Variants in CYP39A1 observed in about 807,000 individuals in gnomAD.
CYP39A1 encodes the protein 24-hydroxycholesterol 7-alpha-hydroxylase.
CYP39A1 carries 49 observed loss-of-function variants against 58.1 expected under a neutral mutation model. The ratio of observed to expected loss-of-function variants is 0.84; its 90% CI spans 0.67 to 1.07. The LOEUF (loss-of-function observed/expected upper bound fraction) is 1.07. CYP39A1 is among the 50% of genes least tolerant of loss of function. The probability of loss-of-function intolerance (pLI) is 0.00; values close to 1 mark genes in which losing one functional copy is unlikely to be tolerated. For missense variants in CYP39A1, 531 were observed against 539.4 expected (o/e 0.98, Z 0.16); for synonymous variants, 209 against 187.6 (o/e 1.11, Z -0.93).
intron 2 of CYP39A1, 129 bp downstream of exon 2, chr6:46,642,034 C>T (rs1175962874): frequency 1.0e-6 from 1 of 1,004,604 alleles, no homozygotes; most frequent in African/African-American, 1.6e-5. Flanking sequence ...CTCTTCTACC[C>T]ATACCTCAAG....
At chr6:46,567,702 A>G (rs1260700578) in intron 10 of CYP39A1, among the ~76,000 whole-genome samples, 1 of 152,156 alleles carries the variant, frequency 6.6e-6, no homozygotes, top group Non-Finnish European at 1.5e-5. Context: ...ATGAATCTCT[A>G]AGCAAGAGGT....
At position 46,637,779 on chromosome 6, in the gene CYP39A1, T is replaced by C. The variant is rs761054637; in HGVS notation, c.638+50A>G. The C allele has an allele frequency of 1.7e-5, 27 of 1,579,210 alleles. No homozygotes were observed. The East Asian group carries it at 4.0e-4, about 24-fold the overall frequency. Reference sequence around the variant, plus strand: ...GAACAGAAAAATGAGAGGTGTTGAATTGCTGAGATAAGCTTGGTCAATGAA... The same window carrying C: ...GAACAGAAAAATGAGAGGTGTTGAACTGCTGAGATAAGCTTGGTCAATGAA... On this transcript the variant is annotated intron_variant, in intron 4 of 11. Coordinates refer to ENST00000275016, the MANE Select transcript of CYP39A1 (RefSeq NM_016593.5).
intron 7 of CYP39A1, among the ~76,000 whole-genome samples, chr6:46,606,139 C>G (rs1045223220): frequency 6.6e-6 from 1 of 151,922 alleles, no homozygotes; most frequent in Non-Finnish European, 1.5e-5. Context: ...ATAAAGTACT[C>G]TTAGTAAGTT....
chr6:46,612,580 G>C (rs1774278832), intron 7 of CYP39A1, among the ~76,000 whole-genome samples: 1 of 152,178 alleles, frequency 6.6e-6, no homozygotes, highest in Non-Finnish European at 1.5e-5. Context: ...GATTTTAAAA[G>C]CTAGGCTAGC....
At position 46,550,328 on chromosome 6, in the gene CYP39A1, C is replaced by T. The variant is rs1770321167; in HGVS notation, c.*38G>A. On this transcript the variant is annotated 3_prime_UTR_variant, in exon 12 of 12. Coordinates refer to ENST00000275016, the MANE Select transcript of CYP39A1 (RefSeq NM_016593.5). ...GCTGCCAGGTGGGGTAGTGCCACTC[C>T]TCCAGAAGGCCCTGGTCCTTGTGAG... 4.4e-6 allele frequency: 7 copies of T among 1,588,028 alleles called. No individual in the cohort carries two copies. The highest frequency in any genetic ancestry group is 6.0e-6 in the Non-Finnish European group (7 of 1,161,848).
chr6:46,638,460 A>G (rs1238489262), intron 3 of CYP39A1, among the ~76,000 whole-genome samples: 1 of 152,208 alleles, frequency 6.6e-6, no homozygotes, highest in East Asian at 1.9e-4. Flanking sequence ...CATATCATCA[A>G]TAAGTTTTAC....
chr6:46,606,632 G>C (rs1773861774), intron 7 of CYP39A1, among the ~76,000 whole-genome samples: 1 of 152,124 alleles, frequency 6.6e-6, no homozygotes, highest in Non-Finnish European at 1.5e-5. Context: ...GAAACCATCT[G>C]TTTAACTCTT....
chr6:46,575,290 G>A (rs1771792210), intron 10 of CYP39A1, among the ~76,000 whole-genome samples: 1 of 152,160 alleles, frequency 6.6e-6, no homozygotes, highest in Non-Finnish European at 1.5e-5. Flanking sequence ...CATCCCACAA[G>A]GCTCACCATA....
At chr6:46,592,436 A>C (rs1053028287) in intron 8 of CYP39A1, among the ~76,000 whole-genome samples, 1 of 152,196 alleles carries the variant, frequency 6.6e-6, no homozygotes, top group Non-Finnish European at 1.5e-5. Flanking sequence ...AAACATATGA[A>C]TCTTGAAAGA....
chr6:46,571,303 T>C (rs1235888624), intron 10 of CYP39A1, among the ~76,000 whole-genome samples: 1 of 152,142 alleles, frequency 6.6e-6, no homozygotes, highest in African/African-American at 2.4e-5. Context: ...ATGATCTCTC[T>C]ATTGTTGAAA....
At chr6:46,613,736 T>C (rs1355324048) in intron 7 of CYP39A1, among the ~76,000 whole-genome samples, 2 of 150,804 alleles carry the variant, frequency 1.3e-5, no homozygotes, top group African/African-American at 4.8e-5. Flanking sequence ...GAGCCTCTAT[T>C]GATGGGCAGA....
At chr6:46,644,153 A>T (rs913447828) in intron 1 of CYP39A1, among the ~76,000 whole-genome samples, 1 of 152,110 alleles carries the variant, frequency 6.6e-6, no homozygotes, top group Non-Finnish European at 1.5e-5. Flanking sequence ...CCTTCTCATT[A>T]ATCCTTGGCA....
chr6:46,599,356 C>G (rs1263879056), intron 7 of CYP39A1, among the ~76,000 whole-genome samples: 3 of 152,036 alleles, frequency 2.0e-5, no homozygotes, highest in Non-Finnish European at 4.4e-5. Flanking sequence ...AGAAAAAAAT[C>G]TGAAGAAAAA....
At chr6:46,622,109 T>C (rs1436434454) in intron 7 of CYP39A1, among the ~76,000 whole-genome samples, 2 of 152,114 alleles carry the variant, frequency 1.3e-5, no homozygotes, top group Non-Finnish European at 2.9e-5. Flanking sequence ...TTATATGGAC[T>C]GTCCACAAAA....
At chr6:46,582,965 C>T (rs1772229675) in intron 10 of CYP39A1, 6 of 651,176 alleles carry the variant, frequency 9.2e-6, no homozygotes, top group Non-Finnish European at 1.1e-5. Context: ...AACAGTACTA[C>T]TAAATTACTA....
At chr6:46,640,552 T>C (rs1027722112) in intron 2 of CYP39A1, among the ~76,000 whole-genome samples, 5 of 152,224 alleles carry the variant, frequency 3.3e-5, no homozygotes, top group African/African-American at 1.2e-4. Flanking sequence ...TGTTTACTCA[T>C]TTCTTTATAT....
chr6:46,625,286 GAT>G, intron 7 of CYP39A1, 130 bp downstream of exon 7: 2 of 603,262 alleles, frequency 3.3e-6, no homozygotes, highest in Non-Finnish European at 5.5e-6. Flanking sequence ...TTTATATCCT[GAT>G]ATATAACAAA....
intron 6 of CYP39A1, among the ~76,000 whole-genome samples, chr6:46,626,051 TTTTTTTTGGC>T: frequency 6.9e-6 from 1 of 145,428 alleles, no homozygotes; most frequent in Non-Finnish European, 1.5e-5. Context: ...AACAAAGTCC[TTTTTTTTGGC>T]TTTTTTTGGC....
In CYP39A1 at chr6:46,652,413, C is replaced by A. The variant is rs778658426; in HGVS notation, c.170G>T (p.Arg57Ile). 1 of 1,611,570 alleles carries A rather than the reference C, an allele frequency of 6.2e-7. No individual in the cohort carries two copies. Among genetic ancestry groups the A allele is most frequent in the South Asian group, 1.1e-5 (1 of 90,572 alleles). Residue 57 changes from arginine (R) to isoleucine (I), a missense_variant, in exon 1 of 12, where the codon AGA (arginine) becomes ATA (isoleucine). Transcript: ENST00000275016. ...TCTGCCACGACCACATACCTTGATTCTTGCTTTCTCTATAAATTCTAGAGG... is the reference window on the plus strand; with the variant it reads ...TCTGCCACGACCACATACCTTGATTATTGCTTTCTCTATAAATTCTAGAGG... Reference protein sequence around the residue: ...KAPLEFIEKARIKYGPIFTVF... With the variant: ...KAPLEFIEKAIIKYGPIFTVF...
Sources: allele counts gnomAD v4.1 joint callset (sites outside exome capture counted in the v4.1 genomes callset), GRCh38; gene constraint gnomAD v4.1.1; transcripts MANE v1.5; gene names NCBI Gene and HGNC (gene_info 2026-07-23, HGNC 2026-07-21).